The following FGGY variants were observed in gnomAD, a reference collection of about 807,000 sequenced individuals.
FGGY encodes the protein FGGY carbohydrate kinase domain containing.
In FGGY, 72 loss-of-function variants were observed where a neutral mutation model predicts 71.3. The observed-to-expected ratio is 1.01, with a 90% confidence interval of 0.84 to 1.23. The LOEUF is 1.23. Ranked by LOEUF, FGGY falls within the 50% of genes most tolerant of loss-of-function variation. FGGY has a pLI of 0.00. For synonymous variants in FGGY, 251 were observed against 250.3 expected (o/e 1.00, Z -0.02); for missense variants, 668 against 682.3 (o/e 0.98, Z 0.23).
At chr1:59,479,787 T>C (rs2093404662) in intron 6 of FGGY, among the ~76,000 whole-genome samples, 1 of 152,020 alleles carries the variant, frequency 6.6e-6, no homozygotes. Context: ...TGCTTAGGGG[T>C]CGCCATGAAT....
intron 7 of FGGY, among the ~76,000 whole-genome samples, chr1:59,546,532 G>GATTATTATTATTATTATTATT (rs1214052314): frequency 3.9e-5 from 4 of 102,130 alleles, no homozygotes; most frequent in African/African-American, 1.6e-4. Flanking sequence ...TGATGATGAT[G>GATTATTATTATTATTATTATT]ATGATTATTA....
At position 59,321,700 on chromosome 1, in the gene FGGY, C is replaced by G; in HGVS notation, c.151C>G (p.His51Asp). 6.2e-7 allele frequency: 1 copy of G among 1,612,980 alleles called. No individual in the cohort carries two copies. The highest frequency in any genetic ancestry group is 8.5e-7 in the Non-Finnish European group (1 of 1,179,492). Residue 51 changes from histidine to aspartate, a missense_variant, in exon 2 of 16, where the codon CAT (histidine) becomes GAT (aspartate). Around this residue, in one of 2 missense-constraint regions of FGGY, gnomAD observed 661 missense variants for 661.6 expected, o/e 1.00. Coordinates refer to ENST00000303721, the MANE Select transcript of FGGY (RefSeq NM_018291.5). ...GAATTGGGAGCCCCAGTTCAACCAC[C>G]ATGAGCAGTCCTCCGAGGACATCTG... ...IKNWEPQFNH[H>D]EQSSEDIWAA...
intron 14 of FGGY, among the ~76,000 whole-genome samples, chr1:59,703,059 T>C (rs994246262): frequency 6.6e-6 from 1 of 152,178 alleles, no homozygotes; most frequent in Admixed American, 6.5e-5. Flanking sequence ...ATACTCCACG[T>C]AGGGAGCCTC....
intron 4 of FGGY, among the ~76,000 whole-genome samples, chr1:59,374,696 C>T (rs905597822): frequency 5.3e-5 from 8 of 152,004 alleles, no homozygotes; most frequent in African/African-American, 1.7e-4. Context: ...AAATGTGGCA[C>T]ATATACACCA....
At chr1:59,408,874 A>T (rs2063166091) in intron 5 of FGGY, among the ~76,000 whole-genome samples, 1 of 152,168 alleles carries the variant, frequency 6.6e-6, no homozygotes, top group South Asian at 2.1e-4. Context: ...CTGTTGTTCA[A>T]GCTCAGGAGA....
At chr1:59,330,135 A>G (rs147869627) in intron 2 of FGGY, among the ~76,000 whole-genome samples, 1 of 152,348 alleles carries the variant, frequency 6.6e-6, no homozygotes, top group East Asian at 1.9e-4. Context: ...ATCATTCTAT[A>G]AATCAAGAAT....
At chr1:59,694,087 G>A (rs534952244) in intron 14 of FGGY, among the ~76,000 whole-genome samples, 1 of 151,874 alleles carries the variant, frequency 6.6e-6, no homozygotes, top group Non-Finnish European at 1.5e-5. Context: ...GGATTACAAG[G>A]TCAGGAGATC....
intron 7 of FGGY, among the ~76,000 whole-genome samples, chr1:59,531,246 A>C (rs1189645915): frequency 6.6e-6 from 1 of 152,204 alleles, no homozygotes; most frequent in Non-Finnish European, 1.5e-5. Context: ...ATAGGTGTGA[A>C]GATCAAGATT....
chr1:59,562,353 T>C (rs1402099652), intron 8 of FGGY, among the ~76,000 whole-genome samples: 1 of 152,120 alleles, frequency 6.6e-6, no homozygotes, highest in Non-Finnish European at 1.5e-5. Flanking sequence ...ACAAAATAAT[T>C]ATGCTGAGTG....
chr1:59,685,505 T>C (rs2097537058), intron 14 of FGGY, among the ~76,000 whole-genome samples: 2 of 152,000 alleles, frequency 1.3e-5, no homozygotes. Context: ...TTAGAAATGA[T>C]GTAAAAAGAG....
chr1:59,373,763 A>G (rs531290967), intron 4 of FGGY, among the ~76,000 whole-genome samples: 2 of 152,264 alleles, frequency 1.3e-5, no homozygotes, highest in African/African-American at 4.8e-5. Flanking sequence ...CATATCTACA[A>G]CTATCTGATC....
intron 7 of FGGY, among the ~76,000 whole-genome samples, chr1:59,547,496 C>T (rs2095544966): frequency 6.6e-6 from 1 of 151,732 alleles, no homozygotes; most frequent in African/African-American, 2.4e-5. Context: ...ATAGTCCCAC[C>T]CCGAGGTCCC....
chr1:59,720,635 A>G (rs1483097941), intron 14 of FGGY, among the ~76,000 whole-genome samples: 5 of 152,240 alleles, frequency 3.3e-5, no homozygotes, highest in African/African-American at 1.2e-4. Context: ...TGCCTTAGGC[A>G]TCTTCCAGGA....
intron 8 of FGGY, among the ~76,000 whole-genome samples, chr1:59,554,569 T>A (rs1000038847): frequency 4.6e-5 from 7 of 151,922 alleles, no homozygotes; most frequent in Non-Finnish European, 8.8e-5. Flanking sequence ...GGTAGCGGGG[T>A]CTTCTCGGCA....
At chr1:59,665,270 C>T (rs2097313085) in intron 12 of FGGY, among the ~76,000 whole-genome samples, 1 of 152,130 alleles carries the variant, frequency 6.6e-6, no homozygotes, top group Admixed American at 6.5e-5. Context: ...GAATAATCAG[C>T]CCTAGTTAGT....
In FGGY at chr1:59,321,530, C is replaced by CTA; in HGVS notation, c.-14-3_-14-2dup. The CTA allele has an allele frequency of 6.2e-7, 1 of 1,612,454 alleles. No homozygotes were observed. Among genetic ancestry groups the CTA allele is most frequent in the African/African-American group, 1.3e-5 (1 of 75,022 alleles). On this transcript the variant is annotated splice_polypyrimidine_tract_variant and splice_region_variant and intron_variant, in intron 1 of 15. Coordinates refer to ENST00000303721, the MANE Select transcript of FGGY (RefSeq NM_018291.5). ...TTCATATGGTTTTTACACTTGCTTA[C>CTA]TATAGGTGGAGGAACTGCAATGTCT...
chr1:59,417,610 T>C (rs939870463), intron 5 of FGGY, among the ~76,000 whole-genome samples: 6 of 152,214 alleles, frequency 3.9e-5, no homozygotes, highest in Non-Finnish European at 8.8e-5. Context: ...TGAGCACTTG[T>C]TATTTTTTGT....
intron 8 of FGGY, among the ~76,000 whole-genome samples, chr1:59,561,537 T>A (rs897136400): frequency 6.6e-6 from 1 of 152,182 alleles, no homozygotes; most frequent in Admixed American, 6.5e-5. Context: ...TTAATATCTC[T>A]GAACCCAGGC....
chr1:59,591,227 T>C (rs2096429642), intron 8 of FGGY, among the ~76,000 whole-genome samples: 1 of 152,136 alleles, frequency 6.6e-6, no homozygotes, highest in Admixed American at 6.5e-5. Context: ...GAATCCAACT[T>C]ACAAGGGATG....
Sources: allele counts gnomAD v4.1 joint callset (sites outside exome capture counted in the v4.1 genomes callset), GRCh38; gene constraint gnomAD v4.1.1; regional missense constraint gnomAD v4.1.1; transcripts MANE v1.5; gene names NCBI Gene and HGNC (gene_info 2026-07-23, HGNC 2026-07-21).